The following SH3GL2 variants were observed in gnomAD, a reference collection of about 807,000 sequenced individuals.
SH3GL2 encodes the protein SH3 domain containing GRB2 like 2, endophilin A1.
Under a neutral mutation model 46.0 loss-of-function variants are expected in SH3GL2, and 24 were observed. The ratio of observed to expected loss-of-function variants is 0.52; its 90% CI spans 0.38 to 0.73. The LOEUF (loss-of-function observed/expected upper bound fraction) is 0.73. Ranked by LOEUF, SH3GL2 falls within the 30% of genes least tolerant of loss-of-function variation. SH3GL2 has a pLI of 0.00. For synonymous variants in SH3GL2, 196 were observed against 147.1 expected (o/e 1.33, Z -2.40); for missense variants, 413 against 424.2 (o/e 0.97, Z 0.23).
rs534458519 is a variant in SH3GL2 at position 17,758,122 on chromosome 9, C to T, written c.115-3315C>T. Among the ~76,000 whole-genome samples the T allele has an allele frequency of 2.6e-5, 4 of 152,292 alleles. No individual in the cohort carries two copies. In the East Asian group the frequency reaches 7.7e-4, roughly 29 times the overall value. The stretch of plus-strand genomic sequence containing the variant: ...CTCTGATTAATGGCCTTGGGAACTA[C>T]TTTTCTCCTCATAACACACTTAAAG... On this transcript the variant is annotated intron_variant, in intron 2 of 8. Transcript: ENST00000380607.
rs1818577552 is a variant in SH3GL2 at position 17,596,686 on chromosome 9, G to C, written c.45+17399G>C. 2.0e-5 allele frequency among the ~76,000 whole-genome samples: 3 copies of C among 152,172 alleles called. No individual in the cohort carries two copies. In the South Asian group the frequency reaches 6.2e-4, roughly 31 times the overall value. The stretch of plus-strand genomic sequence containing the variant: ...GGAACATTGTTAATAGTCTCTGGCA[G>C]GCTTCTATTTTGAAGACAGAAAATA... On this transcript the variant is annotated intron_variant, in intron 1 of 8. Coordinates refer to ENST00000380607, the MANE Select transcript of SH3GL2 (RefSeq NM_003026.5).
chr9:17,635,549 A>G (rs1027285512), intron 1 of SH3GL2, among the ~76,000 whole-genome samples: 3 of 152,168 alleles, frequency 2.0e-5, no homozygotes, highest in Admixed American at 2.0e-4. Flanking sequence ...TAAGAGCTCA[A>G]TTTAATTCAG....
chr9:17,722,277 C>T (rs1312158343), intron 1 of SH3GL2, among the ~76,000 whole-genome samples: 1 of 152,054 alleles, frequency 6.6e-6, no homozygotes, highest in African/African-American at 2.4e-5. Context: ...GTAAGCTTTA[C>T]TGGTCTCTAC....
intron 1 of SH3GL2, among the ~76,000 whole-genome samples, chr9:17,695,207 G>T (rs1821173293): frequency 6.6e-6 from 1 of 152,046 alleles, no homozygotes; most frequent in Non-Finnish European, 1.5e-5. Flanking sequence ...GTGTCTTGTA[G>T]CATAAGATGA....
At chr9:17,772,031 G>C (rs9407852) in intron 3 of SH3GL2, among the ~76,000 whole-genome samples, 1 of 152,080 alleles carries the variant, frequency 6.6e-6, no homozygotes, top group Non-Finnish European at 1.5e-5. Context: ...GTAATTGTTA[G>C]TGTGCAAAAC....
At chr9:17,692,765 A>G (rs141001384) in intron 1 of SH3GL2, among the ~76,000 whole-genome samples, 168 of 152,280 alleles carry the variant, frequency 1.1e-3, no homozygotes, top group African/African-American at 3.7e-3. Context: ...TGATAAAGAC[A>G]TGCTTGAAAC....
At chr9:17,701,075 A>T (rs1821333389) in intron 1 of SH3GL2, among the ~76,000 whole-genome samples, 1 of 152,132 alleles carries the variant, frequency 6.6e-6, no homozygotes, top group African/African-American at 2.4e-5. Context: ...CATTCCATAG[A>T]TTCAGCTTAA....
At chr9:17,787,032 T>C (rs1281509321) in intron 4 of SH3GL2, among the ~76,000 whole-genome samples, 1 of 152,194 alleles carries the variant, frequency 6.6e-6, no homozygotes, top group Non-Finnish European at 1.5e-5. Flanking sequence ...ATGTGGGATC[T>C]CCTTCCTGGT....
chr9:17,690,329 T>A (rs1821043780), intron 1 of SH3GL2, among the ~76,000 whole-genome samples: 1 of 152,120 alleles, frequency 6.6e-6, no homozygotes, highest in South Asian at 2.1e-4. Context: ...GTTGAATATG[T>A]CTGACTTTGT....
chr9:17,676,088 A>G (rs1334749055), intron 1 of SH3GL2, among the ~76,000 whole-genome samples: 2 of 152,240 alleles, frequency 1.3e-5, no homozygotes, highest in Non-Finnish European at 2.9e-5. Flanking sequence ...AGATTTGGCT[A>G]GAAGAAGGGA....
At chr9:17,719,347 G>T (rs2118330824) in intron 1 of SH3GL2, among the ~76,000 whole-genome samples, 1 of 152,212 alleles carries the variant, frequency 6.6e-6, no homozygotes. Flanking sequence ...ACTGTTTCTA[G>T]GAACTGCCAG....
At chr9:17,672,723 G>A (rs1427486436) in intron 1 of SH3GL2, among the ~76,000 whole-genome samples, 6 of 152,020 alleles carry the variant, frequency 3.9e-5, no homozygotes, top group Admixed American at 6.6e-5. Flanking sequence ...TCATCAGACC[G>A]TGTAAATAAC....
chr9:17,694,477 G>C (rs1821157207), intron 1 of SH3GL2, among the ~76,000 whole-genome samples: 1 of 152,068 alleles, frequency 6.6e-6, no homozygotes, highest in Admixed American at 6.6e-5. Flanking sequence ...CAGATCGCTG[G>C]ATTTGCTATA....
In SH3GL2 at chr9:17,792,937, T is replaced by A. The variant is rs73426503; in HGVS notation, c.729-430T>A. 4.6e-3 allele frequency among the ~76,000 whole-genome samples: 698 copies of A among 152,336 alleles called. 4 individuals carry two copies. Among genetic ancestry groups the A allele is most frequent in the African/African-American group, 0.016 (672 of 41,582 alleles). On this transcript the variant is annotated intron_variant, in intron 7 of 8. Coordinates refer to ENST00000380607, the MANE Select transcript of SH3GL2 (RefSeq NM_003026.5). ...TGAAAAAATTGTGGGTACATAGGTG[T>A]ATATATTTATGAGATACATGAGGTG...
At chr9:17,769,603 T>TC (rs1484072704) in intron 3 of SH3GL2, among the ~76,000 whole-genome samples, 13 of 152,082 alleles carry the variant, frequency 8.5e-5, no homozygotes, top group African/African-American at 3.1e-4. Flanking sequence ...TCCTCATCAC[T>TC]CCACCTTCAG....
At chr9:17,677,456 AT>A (rs972726899) in intron 1 of SH3GL2, among the ~76,000 whole-genome samples, 2 of 152,120 alleles carry the variant, frequency 1.3e-5, no homozygotes, top group African/African-American at 4.8e-5. Context: ...CCAAGCACTT[AT>A]TTGGGGGTCT....
At chr9:17,741,636 A>G (rs1459162384) in intron 1 of SH3GL2, among the ~76,000 whole-genome samples, 1 of 152,186 alleles carries the variant, frequency 6.6e-6, no homozygotes, top group Non-Finnish European at 1.5e-5. Flanking sequence ...CTTACATGCA[A>G]TTTTTGGTTT....
chr9:17,753,760 C>T (rs1040626065), intron 2 of SH3GL2, among the ~76,000 whole-genome samples: 1 of 152,136 alleles, frequency 6.6e-6, no homozygotes, highest in African/African-American at 2.4e-5. Flanking sequence ...ATGCCTATGT[C>T]CTCAATGGTA....
At chr9:17,790,695 G>A (rs1824102283) in intron 6 of SH3GL2, among the ~76,000 whole-genome samples, 1 of 152,130 alleles carries the variant, frequency 6.6e-6, no homozygotes, top group Non-Finnish European at 1.5e-5. Flanking sequence ...GAATATTAGA[G>A]CAAGAATGAA....
Sources: gnomAD v4.1 joint callset for allele counts (sites outside exome capture counted in the v4.1 genomes callset) on GRCh38, gnomAD v4.1.1 for gene constraint, MANE v1.5 for transcripts, NCBI Gene and HGNC (gene_info 2026-07-23, HGNC 2026-07-21) for gene names.